The following HTR4 variants were observed in gnomAD, a reference collection of about 807,000 sequenced individuals.
HTR4 encodes 5-hydroxytryptamine (serotonin) receptor 4, G protein-coupled.
Under a neutral mutation model 36.8 loss-of-function variants are expected in HTR4, and 16 were observed. The ratio of observed to expected loss-of-function variants is 0.43; its 90% CI spans 0.29 to 0.66. The LOEUF is 0.66. Among genes scored for constraint, HTR4 ranks in the 30% least tolerant of loss-of-function variants. The pLI, the probability that HTR4 is intolerant of heterozygous loss-of-function variation, is 0.13. For missense variants in HTR4, 438 were observed against 490.9 expected, an observed-to-expected ratio of 0.89 and a Z score of 1.02; for synonymous variants, 189 against 185.1, an observed-to-expected ratio of 1.02 and a Z score of -0.17.
intron 6 of HTR4, among the ~76,000 whole-genome samples, chr5:148,495,798 T>C (rs190108053): frequency 2.1e-3 from 319 of 152,290 alleles, no homozygotes; most frequent in Middle Eastern, 0.01. Context: ...TTAGATAAAG[T>C]TATTATCTTT....
chr5:148,482,134 CA>C lies in HTR4; in HGVS notation c.*1068del. The C allele has an allele frequency of 8.1e-6, 8 of 985,924 alleles. No homozygotes were observed. In the South Asian group the frequency reaches 3.8e-4, roughly 46 times the overall value. 61.1% of individuals were successfully genotyped at this position (985,924 alleles called of 1,614,324 possible). A position where few individuals can be genotyped will look rare whatever the true frequency, so the allele number is the denominator to read the frequency against. On this transcript the variant is annotated 3_prime_UTR_variant, in exon 7 of 7. Transcript: ENST00000377888. ...GGCGGCAATTTGGGTCCTCTGGCTT[CA>C]AGTACAGCATTGCCTCGGCATCCCC...
At chr5:148,555,737 A>G (rs1759918691) in intron 2 of HTR4, among the ~76,000 whole-genome samples, 1 of 152,166 alleles carries the variant, frequency 6.6e-6, no homozygotes, top group Admixed American at 6.5e-5. Context: ...CTTTTGATCC[A>G]TTAATAAACT....
At chr5:148,468,769 G>A (rs1448383973) in intron 5 of HTR4, among the ~76,000 whole-genome samples, 1 of 152,126 alleles carries the variant, frequency 6.6e-6, no homozygotes, top group African/African-American at 2.4e-5. Context: ...TTGAATTGCA[G>A]TTCCCATAAT....
chr5:148,473,685 C>T (rs61489076), downstream of HTR4, among the ~76,000 whole-genome samples: 1,538 of 152,150 alleles, frequency 0.01, 24 homozygotes, highest in African/African-American at 0.036. Flanking sequence ...CCTCTAACAG[C>T]GCAAAAACAC....
intron 2 of HTR4, among the ~76,000 whole-genome samples, chr5:148,613,919 C>T (rs1345560165): frequency 3.3e-5 from 5 of 152,138 alleles, no homozygotes; most frequent in African/African-American, 1.2e-4. Context: ...CATGAGTGAA[C>T]TCCCATTCAC....
chr5:148,528,421 G>C (rs535526235), intron 4 of HTR4, among the ~76,000 whole-genome samples: 18 of 152,166 alleles, frequency 1.2e-4, no homozygotes, highest in Non-Finnish European at 1.8e-4. Flanking sequence ...CTTTGAGGCA[G>C]CAGCCCTAAA....
At chr5:148,561,585 A>T (rs929832083) in intron 2 of HTR4, among the ~76,000 whole-genome samples, 1 of 151,770 alleles carries the variant, frequency 6.6e-6, no homozygotes, top group African/African-American at 2.4e-5. Context: ...TTTTTTCTTT[A>T]TATGTGCACA....
intron 2 of HTR4, among the ~76,000 whole-genome samples, chr5:148,567,676 T>G (rs1010692855): frequency 1.3e-5 from 2 of 152,148 alleles, no homozygotes; most frequent in African/African-American, 4.8e-5. Flanking sequence ...CTGTTGTGTT[T>G]TCTTCCTAGA....
At chr5:148,487,707 G>A (rs1169065009) in intron 6 of HTR4, among the ~76,000 whole-genome samples, 1 of 151,872 alleles carries the variant, frequency 6.6e-6, no homozygotes, top group Non-Finnish European at 1.5e-5. Flanking sequence ...ACAGTAGAGA[G>A]AGCGAGCTTA....
chr5:148,528,086 G>A (rs1368206426), intron 4 of HTR4, among the ~76,000 whole-genome samples: 1 of 152,164 alleles, frequency 6.6e-6, no homozygotes, highest in East Asian at 1.9e-4. Flanking sequence ...GGCAAGGGTG[G>A]GAAGAATCCT....
chr5:148,535,025 A>C (rs190334461), intron 4 of HTR4, among the ~76,000 whole-genome samples: 112 of 152,246 alleles, frequency 7.4e-4, no homozygotes, highest in African/African-American at 2.6e-3. Flanking sequence ...ACTGTGAGGA[A>C]ACAGGGGAGC....
At chr5:148,528,609 C>G (rs1471672008) in intron 4 of HTR4, among the ~76,000 whole-genome samples, 1 of 152,014 alleles carries the variant, frequency 6.6e-6, no homozygotes, top group Non-Finnish European at 1.5e-5. Flanking sequence ...ATGGTGCTTC[C>G]TTAAAATTTT....
intron 2 of HTR4, among the ~76,000 whole-genome samples, chr5:148,613,608 T>C (rs914553589): frequency 6.6e-6 from 1 of 150,390 alleles, no homozygotes; most frequent in Non-Finnish European, 1.5e-5. Flanking sequence ...GCATTCCCTT[T>C]GAAAACTGGC....
At chr5:148,576,969 G>A (rs1760947659) in intron 2 of HTR4, among the ~76,000 whole-genome samples, 1 of 151,962 alleles carries the variant, frequency 6.6e-6, no homozygotes, top group Admixed American at 6.6e-5. Context: ...TTGACAACTG[G>A]GATCTAATTA....
chr5:148,494,142 G>A (rs2113740820), intron 6 of HTR4, among the ~76,000 whole-genome samples: 1 of 152,276 alleles, frequency 6.6e-6, no homozygotes, highest in African/African-American at 2.4e-5. Flanking sequence ...TTTCAGCTGT[G>A]GAATTAATAC....
intron 6 of HTR4, among the ~76,000 whole-genome samples, chr5:148,501,898 A>T (rs1318901131): frequency 6.6e-6 from 1 of 152,020 alleles, no homozygotes; most frequent in Non-Finnish European, 1.5e-5. Context: ...TCTCTACTAA[A>T]AATACAAAAA....
At chr5:148,538,812 C>T (rs1196380618) in intron 4 of HTR4, among the ~76,000 whole-genome samples, 2 of 152,110 alleles carry the variant, frequency 1.3e-5, no homozygotes, top group Admixed American at 1.3e-4. Context: ...AAGTAATTTG[C>T]AGATTCAATG....
intron 5 of HTR4, among the ~76,000 whole-genome samples, chr5:148,518,022 T>C (rs1365708140): frequency 6.6e-6 from 1 of 152,118 alleles, no homozygotes; most frequent in Non-Finnish European, 1.5e-5. Context: ...TATTCTACCA[T>C]AGCACTTTGC....
intron 4 of HTR4, among the ~76,000 whole-genome samples, chr5:148,534,238 G>T (rs540046192): frequency 2.1e-4 from 32 of 152,180 alleles, no homozygotes; most frequent in Non-Finnish European, 1.5e-4. Flanking sequence ...CTGGTAACAG[G>T]TATGTACCTT....
Sources: allele counts gnomAD v4.1 joint callset (sites outside exome capture counted in the v4.1 genomes callset), GRCh38; gene constraint gnomAD v4.1.1; transcripts MANE v1.5; gene names NCBI Gene and HGNC (gene_info 2026-07-23, HGNC 2026-07-21).